The following SH3TC1 variants were observed in gnomAD, a reference collection of about 807,000 sequenced individuals.
SH3TC1 encodes the protein SH3 domain and tetratricopeptide repeat-containing protein 1.
Under a neutral mutation model 117.3 loss-of-function variants are expected in SH3TC1, and 135 were observed. The observed-to-expected ratio is 1.15, with a 90% confidence interval of 1.00 to 1.33. The LOEUF (loss-of-function observed/expected upper bound fraction) is 1.33. SH3TC1 is among the 40% of genes most tolerant of loss of function. The pLI, the probability that SH3TC1 is intolerant of heterozygous loss-of-function variation, is 0.00. For synonymous variants in SH3TC1, 898 were observed against 816.9 expected (o/e 1.10, Z -1.69); for missense variants, 2,092 against 1,794.3 (o/e 1.17, Z -3.00).
At chr4:8,208,679 T>G (rs974698732) in intron 2 of SH3TC1, among the ~76,000 whole-genome samples, 8 of 152,250 alleles carry the variant, frequency 5.3e-5, no homozygotes, top group Non-Finnish European at 1.0e-4. Context: ...GAGCCCCCAC[T>G]GCATGCCTAG....
At chr4:8,211,600 G>A (rs1435930579) in intron 3 of SH3TC1, among the ~76,000 whole-genome samples, 2 of 149,898 alleles carry the variant, frequency 1.3e-5, no homozygotes, top group Non-Finnish European at 3.0e-5. Context: ...CAAAGCCCCT[G>A]GAATGCCACT....
chr4:8,194,305 G>A (rs1242078929), upstream of SH3TC1, among the ~76,000 whole-genome samples: 1 of 152,228 alleles, frequency 6.6e-6, no homozygotes, highest in African/African-American at 2.4e-5. Flanking sequence ...GAACAGATTT[G>A]GTAGCTTCTT....
Position 8,183,211 on chromosome 4 carries a change from GT to G in SH3TC1, c.-57+1003del, listed in dbSNP as rs951837818. Among the ~76,000 whole-genome samples the G allele has an allele frequency of 4.6e-5, 7 of 152,182 alleles. No individual in the cohort carries two copies. Among genetic ancestry groups the G allele is most frequent in the African/African-American group, 1.7e-4 (7 of 41,448 alleles). On this transcript the variant is annotated intron_variant, in intron 1 of 16. Transcript: ENST00000508641. This position sits in a 1 kb window ranked among gnomAD's most constrained non-coding sequence, Gnocchi z 5.4. Reference sequence around the variant, plus strand: ...GCAGCAGCAGCCCCAGGCGAGTTCTGTTCACTACGAAGGAGCCCGTCCTCAT... The same window carrying G: ...GCAGCAGCAGCCCCAGGCGAGTTCTGTCACTACGAAGGAGCCCGTCCTCAT...
chr4:8,217,026 G>A lies in SH3TC1; in HGVS notation c.698G>A (p.Gly233Asp). Reference protein sequence around the residue: ...VMTGPRDAGNGPQALRQASGA... With the variant: ...VMTGPRDAGNDPQALRQASGA... ...ACGGGTCCCCGGGATGCAGGAAATG[G>A]CCCCCAGGCCCTCAGGCAGGCTTCG... Residue 233 changes from glycine (G) to aspartate (D), a missense_variant, in exon 7 of 18, where the codon GGC becomes GAC. Gly to Asp is a moderately conservative substitution (Grantham distance 94). Transcript: ENST00000245105. 2 of 1,613,734 alleles carry A rather than the reference G, an allele frequency of 1.2e-6. No homozygotes were observed. Among genetic ancestry groups the A allele is most frequent in the African/African-American group, 2.7e-5 (2 of 75,052 alleles).
Position 8,192,240 on chromosome 4 carries a change from C to T in SH3TC1, c.-57+10030C>T, listed in dbSNP as rs976443038. Among the ~76,000 whole-genome samples, 3 of 151,806 alleles carry T rather than the reference C, an allele frequency of 2.0e-5. No individual in the cohort carries two copies. The highest frequency in any genetic ancestry group is 4.4e-5 in the Non-Finnish European group (3 of 67,958). On this transcript the variant is annotated intron_variant, in intron 1 of 16. Coordinates refer to the SH3TC1 transcript ENST00000508641. This position sits in a 1 kb window ranked among gnomAD's most constrained non-coding sequence, Gnocchi z 4.1. ...AACTCCTGACCTCAAGTGATCTGCA[C>T]CCCCCTCGGCCTCCCAAAGTGCTGG...
intron 12 of SH3TC1, among the ~76,000 whole-genome samples, chr4:8,229,920 C>T (rs1027309735): frequency 6.7e-6 from 1 of 150,180 alleles, no homozygotes; most frequent in Admixed American, 6.6e-5. Context: ...CCCTGTCTCC[C>T]CACCCCGCGT....
In SH3TC1 at chr4:8,206,125, T is replaced by C. The variant is rs969777020; in HGVS notation, c.172+759T>C. ...ATGAATGAAGGATGTGTTTGGACAGTGGCGTGGAAACCTCAGATGCTGTCG... is the reference window on the plus strand; with the variant it reads ...ATGAATGAAGGATGTGTTTGGACAGCGGCGTGGAAACCTCAGATGCTGTCG... On this transcript the variant is annotated intron_variant, in intron 2 of 17. Transcript: ENST00000245105. The surrounding 1 kb of genome is among the most constrained non-coding windows in gnomAD (Gnocchi z 5.5). 3 of 164,658 alleles carry C rather than the reference T, an allele frequency of 1.8e-5. No individual in the cohort carries two copies. In the South Asian group the frequency reaches 5.4e-4, roughly 30 times the overall value. 10.2% of individuals were successfully genotyped at this position (164,658 alleles called of 1,614,324 possible).
intron 1 of SH3TC1, among the ~76,000 whole-genome samples, chr4:8,200,548 G>A (rs1451341700): frequency 6.6e-6 from 1 of 152,212 alleles, no homozygotes; most frequent in African/African-American, 2.4e-5. Context: ...GGGGCGCTGG[G>A]CCAGCGTTTT....
chr4:8,228,928 G>C (rs1013222783), intron 12 of SH3TC1, among the ~76,000 whole-genome samples: 1 of 152,206 alleles, frequency 6.6e-6, no homozygotes, highest in Non-Finnish European at 1.5e-5. Flanking sequence ...TCTGGGCAAC[G>C]GGCGGTGGGT....
rs745656261 is a variant in SH3TC1 at position 8,234,525 on chromosome 4, GTCCA to G, written c.3283-895_3283-892del. Among the ~76,000 whole-genome samples the G allele has an allele frequency of 1.1e-3, 165 of 144,840 alleles. 1 individual carries two copies. Among genetic ancestry groups the G allele is most frequent in the African/African-American group, 2.4e-3 (92 of 38,382 alleles). On this transcript the variant is annotated intron_variant, in intron 14 of 17. Coordinates refer to ENST00000245105, the MANE Select transcript of SH3TC1 (RefSeq NM_018986.5). The stretch of plus-strand genomic sequence containing the variant: ...CATCCATTCATCTGTCCATCCGTCC[GTCCA>G]TCCATCCATCCACCCACCTATACAT...
At chr4:8,234,171 C>CCATCCATTTATCCATT (rs1365722297) in intron 14 of SH3TC1, among the ~76,000 whole-genome samples, 2 of 71,150 alleles carry the variant, frequency 2.8e-5, no homozygotes, top group Non-Finnish European at 7.8e-5. Context: ...CTTCCATCAT[C>CCATCCATTTATCCATT]CATCCATCCA....
intron 10 of SH3TC1, 36 bp downstream of exon 10, chr4:8,223,006 C>T (rs1318332961): frequency 3.1e-6 from 5 of 1,589,720 alleles, no homozygotes; most frequent in East Asian, 2.3e-5. Flanking sequence ...GGGCCACTGC[C>T]CTCCCCTTTC....
At position 8,217,031 on chromosome 4, in the gene SH3TC1, C is replaced by T; in HGVS notation, c.703C>T (p.Gln235Ter). The T allele has an allele frequency of 1.2e-6, 2 of 1,613,646 alleles. No individual in the cohort carries two copies. The highest frequency in any genetic ancestry group is 1.7e-6 in the Non-Finnish European group (2 of 1,179,792). ...TGPRDAGNGPQALRQASGAPQ... is the reference protein window; with the variant it reads ...TGPRDAGNGP ...TCCCCGGGATGCAGGAAATGGCCCC[C>T]AGGCCCTCAGGCAGGCTTCGGGGGC... The change falls in exon 7 of 18, where the codon CAG (glutamine) becomes TAG (stop). Residue 235 changes from glutamine (Q) to a stop codon, truncating the protein, a stop_gained. Transcript: ENST00000245105. LOFTEE classifies it high-confidence loss of function.
chr4:8,192,247 C>T lies in SH3TC1; in HGVS notation c.-57+10037C>T, dbSNP rs895869374. Among the ~76,000 whole-genome samples, 60 of 151,976 alleles carry T rather than the reference C, an allele frequency of 3.9e-4. No individual in the cohort carries two copies. Among genetic ancestry groups the T allele is most frequent in the African/African-American group, 1.2e-3 (49 of 41,468 alleles). On this transcript the variant is annotated intron_variant, in intron 1 of 16. Coordinates refer to the SH3TC1 transcript ENST00000508641. The surrounding 1 kb of genome is among the most constrained non-coding windows in gnomAD (Gnocchi z 4.1). ...GACCTCAAGTGATCTGCACCCCCCT[C>T]GGCCTCCCAAAGTGCTGGGATTACA...
At chr4:8,233,685 C>CCATCCATCCAT (rs1242805304) in intron 14 of SH3TC1, among the ~76,000 whole-genome samples, 172 bp downstream of exon 14, 1 of 151,846 alleles carries the variant, frequency 6.6e-6, no homozygotes, top group African/African-American at 2.4e-5. Flanking sequence ...ATGGGTCCTT[C>CCATCCATCCAT]CATCCATCCA....
intron 5 of SH3TC1, chr4:8,215,383 A>G (rs534221219): frequency 5.0e-6 from 2 of 399,554 alleles, no homozygotes; most frequent in East Asian, 1.5e-4. Flanking sequence ...ACAATTCCCC[A>G]AGCACCGGTG....
At chr4:8,219,855 T>C (rs897223177) in intron 9 of SH3TC1, among the ~76,000 whole-genome samples, 1 of 152,202 alleles carries the variant, frequency 6.6e-6, no homozygotes, top group Non-Finnish European at 1.5e-5. Context: ...TTCAGAGTTG[T>C]GGAGGCCAAA....
At chr4:8,208,857 G>A (rs1718419570) in intron 2 of SH3TC1, among the ~76,000 whole-genome samples, 1 of 152,266 alleles carries the variant, frequency 6.6e-6, no homozygotes, top group Non-Finnish European at 1.5e-5. Flanking sequence ...CCAGGGCTCT[G>A]AGTGAGACGT....
intron 10 of SH3TC1, among the ~76,000 whole-genome samples, chr4:8,223,522 G>A (rs755509682): frequency 2.6e-5 from 4 of 152,228 alleles, no homozygotes; most frequent in Non-Finnish European, 4.4e-5. Flanking sequence ...GGGGGCTGCA[G>A]TGCAACGCAT....
Sources: gnomAD v4.1 joint callset for allele counts (sites outside exome capture counted in the v4.1 genomes callset) on GRCh38, gnomAD v4.1.1 for gene constraint, Gnocchi (gnomAD v3.1) non-coding constraint, MANE v1.5 for transcripts, NCBI Gene and HGNC (gene_info 2026-07-23, HGNC 2026-07-21) for gene names.